MIB1: variants seen among roughly 807,000 people sequenced by gnomAD.
MIB1 encodes the protein E3 ubiquitin-protein ligase MIB1.
MIB1 carries 278 observed loss-of-function variants against 124.5 expected under a neutral mutation model. The ratio of observed to expected loss-of-function variants is 2.23; its 90% CI spans 2.02 to 2.47. MIB1 has a LOEUF of 2.47. Ranked by LOEUF, MIB1 falls within the 30% of genes most tolerant of loss-of-function variation. MIB1 has a pLI of 0.00. For synonymous variants in MIB1, 446 were observed against 429.4 expected, an observed-to-expected ratio of 1.04 and a Z score of -0.48; for missense variants, 957 against 1,254.4, an observed-to-expected ratio of 0.76 and a Z score of 3.58.
Position 21,779,618 on chromosome 18 carries a change from AC to A in MIB1, c.842del (p.Thr281LysfsTer15). On this transcript the variant is annotated frameshift_variant, in exon 6 of 21. Coordinates refer to ENST00000261537, the MANE Select transcript of MIB1 (RefSeq NM_020774.4). LOFTEE classifies it high-confidence loss of function. ...WTDGMFETLT[T>X]TGTVCGIDED... ...TGATGGAATGTTTGAGACTTTAACTACAACTGGAACTGTTTGTGGCATTGAT... is the reference window on the plus strand; with the variant it reads ...TGATGGAATGTTTGAGACTTTAACTAAACTGGAACTGTTTGTGGCATTGAT... 1 of 1,614,110 alleles carries A rather than the reference AC, an allele frequency of 6.2e-7. No homozygotes were observed. The highest frequency in any genetic ancestry group is 1.3e-5 in the African/African-American group (1 of 75,052).
At chr18:21,818,273 T>C (rs925781003) in intron 11 of MIB1, among the ~76,000 whole-genome samples, 8 of 152,182 alleles carry the variant, frequency 5.3e-5, no homozygotes, top group Non-Finnish European at 8.8e-5. Context: ...TCTCTTTTTT[T>C]TCCTCTGTAC....
chr18:21,753,861 A>G (rs2041002190), intron 1 of MIB1, among the ~76,000 whole-genome samples: 1 of 151,970 alleles, frequency 6.6e-6, no homozygotes, highest in African/African-American at 2.4e-5. Context: ...TGTTTTTATT[A>G]GAGACAGGAT....
intron 10 of MIB1, among the ~76,000 whole-genome samples, chr18:21,806,446 C>T (rs1423009719): frequency 6.6e-6 from 1 of 152,092 alleles, no homozygotes; most frequent in Non-Finnish European, 1.5e-5. Context: ...AAGTGATCCT[C>T]CTGCCTTGGC....
At chr18:21,719,753 G>A (rs927395187) in intron 1 of MIB1, among the ~76,000 whole-genome samples, 6 of 151,758 alleles carry the variant, frequency 4.0e-5, no homozygotes, top group South Asian at 2.1e-4. Context: ...CACTGTGCCC[G>A]GCCCTTTTTT....
intron 4 of MIB1, among the ~76,000 whole-genome samples, chr18:21,776,984 A>G (rs2041296292): frequency 6.6e-6 from 1 of 152,004 alleles, no homozygotes; most frequent in East Asian, 1.9e-4. Flanking sequence ...CTCAAAAAAA[A>G]AAAATTGATG....
chr18:21,818,226 T>C (rs560974777), intron 11 of MIB1, among the ~76,000 whole-genome samples: 6 of 152,296 alleles, frequency 3.9e-5, no homozygotes, highest in Admixed American at 1.3e-4. Context: ...CTCTAGAGAT[T>C]TAGTATGGTG....
At chr18:21,719,858 G>T (rs1296881835) in intron 1 of MIB1, among the ~76,000 whole-genome samples, 1 of 152,004 alleles carries the variant, frequency 6.6e-6, no homozygotes, top group Non-Finnish European at 1.5e-5. Flanking sequence ...TTTCTAATAA[G>T]TCTTCCTTGA....
chr18:21,740,733 C>T (rs45458295), upstream of MIB1, among the ~76,000 whole-genome samples: 181 of 152,376 alleles, frequency 1.2e-3, 1 homozygote, highest in Non-Finnish European at 2.2e-3. Context: ...CTCCATCGCC[C>T]GGGGCTGGGG....
intron 2 of MIB1, among the ~76,000 whole-genome samples, chr18:21,766,151 G>A (rs2041156092): frequency 6.6e-6 from 1 of 152,158 alleles, no homozygotes; most frequent in South Asian, 2.1e-4. Context: ...ACTTTTCCAA[G>A]GTAATCTGGG....
intron 4 of MIB1, among the ~76,000 whole-genome samples, chr18:21,777,419 A>C (rs1223933676): frequency 1.3e-5 from 2 of 152,210 alleles, no homozygotes; most frequent in Non-Finnish European, 2.9e-5. Context: ...ACACACACAA[A>C]AAAGAATGTG....
rs2041101794 is a variant in MIB1 at position 21,761,897 on chromosome 18, C to T, written c.230-3875C>T. Among the ~76,000 whole-genome samples, 16 of 151,604 alleles carry T rather than the reference C, an allele frequency of 1.1e-4. 1 individual carries two copies. Among genetic ancestry groups the T allele is most frequent in the Admixed American group, 9.9e-4 (15 of 15,166 alleles). On this transcript the variant is annotated intron_variant, in intron 1 of 20. Coordinates refer to ENST00000261537, the MANE Select transcript of MIB1 (RefSeq NM_020774.4). ...GAAGCCTCAGAAGTTACACACATGC[C>T]GATGAGAGCACACATAGAAAATGTG... is the stretch of plus-strand genomic sequence containing the variant.
intron 7 of MIB1, among the ~76,000 whole-genome samples, chr18:21,794,529 T>TA (rs900785236): frequency 2.6e-5 from 4 of 151,780 alleles, no homozygotes; most frequent in African/African-American, 9.7e-5. Flanking sequence ...ATGAAACAAA[T>TA]ATGAAAATTT....
At chr18:21,753,567 T>A (rs1302113913) in intron 1 of MIB1, among the ~76,000 whole-genome samples, 1 of 152,158 alleles carries the variant, frequency 6.6e-6, no homozygotes, top group African/African-American at 2.4e-5. Flanking sequence ...GTAAGTCAAG[T>A]CTAAGTTTTG....
intron 17 of MIB1, among the ~76,000 whole-genome samples, chr18:21,850,737 G>C (rs2042173192): frequency 6.6e-6 from 1 of 152,092 alleles, no homozygotes; most frequent in Non-Finnish European, 1.5e-5. Context: ...TATTAAATAG[G>C]TGTTAACCCT....
chr18:21,842,368 G>A (rs1178362574), intron 13 of MIB1, among the ~76,000 whole-genome samples: 1 of 152,044 alleles, frequency 6.6e-6, no homozygotes, highest in Non-Finnish European at 1.5e-5. Context: ...TTTAAATTAT[G>A]CTAGACATTT....
At chr18:21,831,861 G>T (rs1568219162) in intron 12 of MIB1, among the ~76,000 whole-genome samples, 1 of 152,156 alleles carries the variant, frequency 6.6e-6, no homozygotes, top group African/African-American at 2.4e-5. Flanking sequence ...TATGGAACAA[G>T]TGAAGTCCCT....
At chr18:21,728,291 G>A (rs1052048091) in intron 1 of MIB1, among the ~76,000 whole-genome samples, 2 of 152,116 alleles carry the variant, frequency 1.3e-5, no homozygotes, top group Admixed American at 6.6e-5. Flanking sequence ...TCAGAAGTTC[G>A]AGACCAGCCT....
At chr18:21,732,399 AAGAGAG>A (rs1034624877) in intron 1 of MIB1, among the ~76,000 whole-genome samples, 5 of 122,072 alleles carry the variant, frequency 4.1e-5, no homozygotes, top group African/African-American at 1.3e-4. Context: ...CACACAGAGC[AAGAGAG>A]AGAGAGAGAC....
intron 2 of MIB1, among the ~76,000 whole-genome samples, chr18:21,766,572 C>T (rs2041161939): frequency 6.6e-6 from 1 of 152,052 alleles, no homozygotes; most frequent in Admixed American, 6.6e-5. Flanking sequence ...GAGCGAGAAT[C>T]CAGCCAGTCA....
Sources: allele counts gnomAD v4.1 joint callset (sites outside exome capture counted in the v4.1 genomes callset), GRCh38; gene constraint gnomAD v4.1.1; transcripts MANE v1.5; gene names NCBI Gene and HGNC (gene_info 2026-07-23, HGNC 2026-07-21).